CSMD1: variants seen among roughly 807,000 people sequenced by gnomAD.
CSMD1 encodes the protein CUB and Sushi multiple domains 1.
CSMD1 carries 213 observed loss-of-function variants against 417.5 expected under a neutral mutation model. The ratio of observed to expected loss-of-function variants is 0.51; its 90% CI spans 0.46 to 0.57. The LOEUF (loss-of-function observed/expected upper bound fraction) is 0.57. CSMD1 is among the 20% of genes least tolerant of loss of function. The pLI is 0.00. For synonymous variants in CSMD1, 2,862 were observed against 1,736.8 expected, an observed-to-expected ratio of 1.65 and a Z score of -16.11; for missense variants, 6,923 against 4,529.7, an observed-to-expected ratio of 1.53 and a Z score of -15.17.
intron 2 of CSMD1, among the ~76,000 whole-genome samples, chr8:4,479,280 G>A (rs1459962601): frequency 2.6e-5 from 4 of 152,104 alleles, no homozygotes; most frequent in African/African-American, 9.7e-5. Flanking sequence ...AGTTGCATTT[G>A]TTTGCTTGTG....
At chr8:3,302,263 C>T (rs987006798) in intron 25 of CSMD1, among the ~76,000 whole-genome samples, 1 of 152,100 alleles carries the variant, frequency 6.6e-6, no homozygotes, top group African/African-American at 2.4e-5. Flanking sequence ...TTTTCAGATC[C>T]TGAAATAACT....
chr8:3,924,575 G>A (rs142299202), intron 5 of CSMD1, among the ~76,000 whole-genome samples: 1 of 152,046 alleles, frequency 6.6e-6, no homozygotes. Flanking sequence ...TTGTCCCTGT[G>A]ACTGGATAAT....
chr8:2,962,940 C>T (rs865933707), intron 60 of CSMD1, among the ~76,000 whole-genome samples: 7 of 152,020 alleles, frequency 4.6e-5, no homozygotes, highest in East Asian at 1.9e-4. Context: ...CCCAGCTACT[C>T]GGGAGGCTGA....
At chr8:3,784,647 G>C (rs181025707) in intron 5 of CSMD1, among the ~76,000 whole-genome samples, 80 of 152,236 alleles carry the variant, frequency 5.3e-4, no homozygotes, top group African/African-American at 1.7e-3. Flanking sequence ...ATAGAAATCT[G>C]TTTGGTTTGG....
chr8:4,155,019 C>G (rs191025135), intron 3 of CSMD1, among the ~76,000 whole-genome samples: 12 of 152,286 alleles, frequency 7.9e-5, no homozygotes, highest in East Asian at 3.9e-4. Context: ...CAGTGATAAA[C>G]CTCATCACAG....
At chr8:3,346,512 G>C (rs1808007745) in intron 22 of CSMD1, among the ~76,000 whole-genome samples, 1 of 152,180 alleles carries the variant, frequency 6.6e-6, no homozygotes, top group East Asian at 1.9e-4. Flanking sequence ...CATACTGCCA[G>C]TGTGAGATTT....
chr8:3,212,171 T>A (rs1797650361), intron 30 of CSMD1, among the ~76,000 whole-genome samples: 1 of 152,186 alleles, frequency 6.6e-6, no homozygotes, highest in Non-Finnish European at 1.5e-5. Context: ...GAGTTCTATT[T>A]GAAGCTCCCA....
At chr8:3,168,758 A>C (rs1403334918) in intron 37 of CSMD1, among the ~76,000 whole-genome samples, 10 of 152,204 alleles carry the variant, frequency 6.6e-5, no homozygotes, top group Non-Finnish European at 1.5e-5. Context: ...AGAGGTAAAA[A>C]GATTTTGTCT....
intron 50 of CSMD1, among the ~76,000 whole-genome samples, chr8:3,037,609 G>A (rs1212555116): frequency 6.6e-6 from 1 of 152,134 alleles, no homozygotes; most frequent in Non-Finnish European, 1.5e-5. Flanking sequence ...TTGGGTAGAT[G>A]CCCCGTAGTA....
intron 12 of CSMD1, among the ~76,000 whole-genome samples, chr8:3,450,403 T>G (rs1316332949): frequency 1.3e-5 from 2 of 152,120 alleles, no homozygotes; most frequent in African/African-American, 4.8e-5. Flanking sequence ...GTTGGTGTGC[T>G]GCACCCATTA....
intron 5 of CSMD1, among the ~76,000 whole-genome samples, chr8:3,950,681 A>C (rs1268864191): frequency 6.6e-6 from 1 of 152,212 alleles, no homozygotes; most frequent in Non-Finnish European, 1.5e-5. Context: ...CTGCCACTTT[A>C]ATAATGCATT....
intron 3 of CSMD1, among the ~76,000 whole-genome samples, chr8:4,332,958 C>T (rs1012055882): frequency 2.0e-4 from 21 of 104,744 alleles, no homozygotes; most frequent in Non-Finnish European, 3.2e-4. Flanking sequence ...AAAAAAAAAA[C>T]TAAGATTTCT....
chr8:4,137,922 G>C (rs1161568852), intron 3 of CSMD1, among the ~76,000 whole-genome samples: 1 of 151,732 alleles, frequency 6.6e-6, no homozygotes, highest in Non-Finnish European at 1.5e-5. Context: ...CTGTCGCCCA[G>C]GTTGGAGTGC....
At chr8:3,819,035 G>A (rs994443763) in intron 5 of CSMD1, among the ~76,000 whole-genome samples, 1 of 152,174 alleles carries the variant, frequency 6.6e-6, no homozygotes. Context: ...CAGATTGACG[G>A]TAAAACATTT....
chr8:4,159,925 T>A (rs564598866), intron 3 of CSMD1, among the ~76,000 whole-genome samples: 125 of 152,100 alleles, frequency 8.2e-4, no homozygotes, highest in African/African-American at 2.9e-3. Context: ...ATAAAAAACT[T>A]TCGGGCCTTG....
intron 3 of CSMD1, among the ~76,000 whole-genome samples, chr8:4,402,992 T>C (rs910144499): frequency 7.3e-5 from 11 of 151,702 alleles, no homozygotes; most frequent in African/African-American, 2.7e-4. Flanking sequence ...GCTAATTTTC[T>C]TTTGTTGTTG....
chr8:3,375,250 A>T (rs11986524), intron 18 of CSMD1: 124,372 of 152,062 alleles, frequency 0.82, 50,922 homozygotes, highest in African/African-American at 0.84. Context: ...GACACTTCTA[A>T]CTACTCCCCA....
At chr8:4,623,299 A>G (rs751688704) in intron 2 of CSMD1, among the ~76,000 whole-genome samples, 1 of 152,160 alleles carries the variant, frequency 6.6e-6, no homozygotes, top group African/African-American at 2.4e-5. Flanking sequence ...AACACTCTAC[A>G]CTCATTACAA....
intron 54 of CSMD1, among the ~76,000 whole-genome samples, chr8:2,991,898 G>A (rs550841869): frequency 2.2e-4 from 34 of 152,234 alleles, no homozygotes; most frequent in African/African-American, 3.4e-4. Flanking sequence ...AGGAAATTTC[G>A]TTTAAGAAGG....
Sources: gnomAD v4.1 joint callset for allele counts (sites outside exome capture counted in the v4.1 genomes callset) on GRCh38, gnomAD v4.1.1 for gene constraint, MANE v1.5 for transcripts, NCBI Gene and HGNC (gene_info 2026-07-23, HGNC 2026-07-21) for gene names.